CCDC146: variants seen among roughly 807,000 people sequenced by gnomAD.
CCDC146 encodes coiled-coil domain containing 146.
Under a neutral mutation model 119.3 loss-of-function variants are expected in CCDC146, and 92 were observed. That is an observed-to-expected ratio of 0.77 (90% CI 0.65 to 0.92). The LOEUF (loss-of-function observed/expected upper bound fraction) is 0.92, where lower values mean the gene tolerates loss of function less well. Among genes scored for constraint, CCDC146 ranks in the 40% least tolerant of loss-of-function variants. CCDC146 has a pLI of 0.00. For missense variants in CCDC146, 1,000 were observed against 1,103.0 expected (o/e 0.91, Z 1.32); for synonymous variants, 372 against 371.8 (o/e 1.00, Z -0.01).
chr7:77,193,997 G>T (rs550689778), intron 2 of CCDC146: 2 of 152,548 alleles, frequency 1.3e-5, no homozygotes, highest in East Asian at 3.9e-4. Flanking sequence ...ATTCCAAAAT[G>T]GAATTTCTGT....
intron 7 of CCDC146, chr7:77,259,326 G>C (rs1793243761): frequency 5.5e-6 from 2 of 366,664 alleles, no homozygotes; most frequent in East Asian, 5.3e-5. Context: ...TTATGGAGAA[G>C]TTCAATTGAC....
At chr7:77,173,443 A>C (rs1337233535) in intron 2 of CCDC146, among the ~76,000 whole-genome samples, 3 of 152,108 alleles carry the variant, frequency 2.0e-5, no homozygotes, top group Non-Finnish European at 4.4e-5. Flanking sequence ...AGCCTGGCCA[A>C]CATGGCGAAA....
At chr7:77,266,517 G>A (rs1052142794) in intron 9 of CCDC146, among the ~76,000 whole-genome samples, 1 of 152,114 alleles carries the variant, frequency 6.6e-6, no homozygotes. Context: ...GTGTGGTACC[G>A]AGAAGATACT....
Position 77,280,638 on chromosome 7 carries a change from A to G in CCDC146, c.1904A>G (p.Gln635Arg), listed in dbSNP as rs1294213022. The change falls in exon 14 of 19, where the codon CAG (glutamine) becomes CGG (arginine). Residue 635 changes from glutamine (Q) to arginine (R), a missense_variant. Coordinates refer to ENST00000285871, the MANE Select transcript of CCDC146 (RefSeq NM_020879.3). Reference sequence around the variant, plus strand: ...CGCAAAAGATACGAAAAAGCTGTTCAGCATCGAAATGAAAGGTAAAAACCA... The same window carrying G: ...CGCAAAAGATACGAAAAAGCTGTTCGGCATCGAAATGAAAGGTAAAAACCA... ...QLRKRYEKAV[Q>R]HRNESGVQLI... 3.1e-6 allele frequency: 5 copies of G among 1,611,476 alleles called. No individual in the cohort carries two copies. Among genetic ancestry groups the G allele is most frequent in the African/African-American group, 2.7e-5 (2 of 74,894 alleles).
chr7:77,245,018 C>T (rs775572504), intron 4 of CCDC146, among the ~76,000 whole-genome samples: 66 of 152,158 alleles, frequency 4.3e-4, no homozygotes, highest in Non-Finnish European at 6.3e-4. Flanking sequence ...CTACTAAGAA[C>T]AACTTATTTT....
intron 4 of CCDC146, chr7:77,242,245 C>A: frequency 2.5e-6 from 1 of 395,854 alleles, no homozygotes; most frequent in Non-Finnish European, 4.0e-6. Flanking sequence ...ATGACTATAG[C>A]AGTACCAGAG....
intron 2 of CCDC146, among the ~76,000 whole-genome samples, chr7:77,183,918 C>T (rs553551625): frequency 4.9e-4 from 74 of 152,252 alleles, no homozygotes; most frequent in African/African-American, 1.7e-3. Flanking sequence ...TAAAGTCTCT[C>T]GCTAAAATAA....
chr7:77,205,115 A>G (rs1303266924), intron 2 of CCDC146, among the ~76,000 whole-genome samples: 6 of 152,220 alleles, frequency 3.9e-5, no homozygotes, highest in Admixed American at 3.3e-4. Flanking sequence ...AACAAATAAT[A>G]AAATCAAAGT....
Position 77,282,656 on chromosome 7 carries a change from T to C in CCDC146, c.2019T>C (p.His673=). ...KMKLNGEIEI[H]LLEEKIQFLK... ...AACTAAATGGAGAAATTGAAATACA[T>C]CTACTGGAAGAAAAGATCCAATTCC... The change falls in exon 15 of 19, where the codon CAT becomes CAC. Residue 673 remains histidine, a synonymous_variant. Transcript: ENST00000285871. 6.2e-7 allele frequency: 1 copy of C among 1,612,402 alleles called. No homozygotes were observed. The highest frequency in any genetic ancestry group is 8.5e-7 in the Non-Finnish European group (1 of 1,178,418).
intron 1 of CCDC146, among the ~76,000 whole-genome samples, chr7:77,124,363 C>T (rs1790665206): frequency 6.6e-6 from 1 of 152,232 alleles, no homozygotes; most frequent in Non-Finnish European, 1.5e-5. Context: ...AATCTGTCCA[C>T]ATATCAACAA....
chr7:77,251,024 TGTTTG>T (rs1322792443), intron 4 of CCDC146, among the ~76,000 whole-genome samples: 1 of 124,234 alleles, frequency 8.0e-6, no homozygotes, highest in Admixed American at 7.8e-5. Context: ...TGTGTGTGTG[TGTTTG>T]GTTGTTTGTT....
At chr7:77,208,188 A>G (rs1752205330) in intron 2 of CCDC146, among the ~76,000 whole-genome samples, 1 of 152,232 alleles carries the variant, frequency 6.6e-6, no homozygotes, top group Admixed American at 6.5e-5. Context: ...TGATAACTCC[A>G]AAATGGACAC....
In CCDC146 at chr7:77,279,023, T is replaced by G. The variant is rs1276064839; in HGVS notation, c.1616T>G (p.Val539Gly). The change falls in exon 13 of 19, where the codon GTA becomes GGA. Residue 539 changes from valine to glycine, a missense_variant. This residue lies in a region of CCDC146 where 985 missense variants were observed against 1,045.3 expected (regional missense o/e 0.94). Transcript: ENST00000285871. ...VNLLHKAHQKVNEIKERHKMS... is the reference protein window; with the variant it reads ...VNLLHKAHQKGNEIKERHKMS... ...TTACTCCACAAAGCTCATCAGAAAGTAAATGAAATAAAAGAAAGGCATAAA... is the reference window on the plus strand; with the variant it reads ...TTACTCCACAAAGCTCATCAGAAAGGAAATGAAATAAAAGAAAGGCATAAA... 1.9e-6 allele frequency: 3 copies of G among 1,610,430 alleles called. No homozygotes were observed. Among genetic ancestry groups the G allele is most frequent in the African/African-American group, 2.7e-5 (2 of 74,908 alleles).
intron 4 of CCDC146, 113 bp downstream of exon 4, chr7:77,242,013 T>C: frequency 1.3e-6 from 1 of 747,154 alleles, no homozygotes; most frequent in Non-Finnish European, 2.2e-6. Context: ...ACGATGATGA[T>C]TGCAAACCTA....
In CCDC146 at chr7:77,236,987, C is replaced by T. The variant is rs752173458; in HGVS notation, c.197C>T (p.Ala66Val). 8.7e-6 allele frequency: 14 copies of T among 1,613,934 alleles called. No individual in the cohort carries two copies. Among genetic ancestry groups the T allele is most frequent in the East Asian group, 2.2e-5 (1 of 44,898 alleles). Residue 66 changes from alanine to valine, a missense_variant, in exon 3 of 19, where the codon GCG becomes GTG. Transcript: ENST00000285871. The stretch of plus-strand genomic sequence containing the variant: ...AAACTTCCTGGAACCAGAATGGCAG[C>T]GTTAAAAGCCAAGTATACCTTGCTG... The part of the protein sequence containing the change: ...MGKLPGTRMA[A>V]LKAKYTLLHD...
chr7:77,201,231 A>T (rs1021940769), intron 2 of CCDC146, among the ~76,000 whole-genome samples: 1 of 152,138 alleles, frequency 6.6e-6, no homozygotes, highest in Non-Finnish European at 1.5e-5. Flanking sequence ...CTCATACAGG[A>T]ATGATAGTCA....
chr7:77,280,537 G>C lies in CCDC146; in HGVS notation c.1803G>C (p.Lys601Asn), dbSNP rs377081074. 6.2e-7 allele frequency: 1 copy of C among 1,614,152 alleles called. No individual in the cohort carries two copies. The highest frequency in any genetic ancestry group is 1.3e-5 in the African/African-American group (1 of 75,046). Residue 601 changes from lysine (K) to asparagine (N), a missense_variant, in exon 14 of 19, where the codon AAG (lysine) becomes AAC (asparagine). Around this residue, in one of 2 missense-constraint regions of CCDC146, gnomAD observed 985 missense variants for 1,045.3 expected, o/e 0.94. Transcript: ENST00000285871. Reference sequence around the variant, plus strand: ...CAAAACTTCAGGAAATGAAAGAAAAGAAGGAAGCCCAGTTAAATAACATTG... The same window carrying C: ...CAAAACTTCAGGAAATGAAAGAAAACAAGGAAGCCCAGTTAAATAACATTG... ...IVSKLQEMKE[K>N]KEAQLNNIDR...
intron 8 of CCDC146, among the ~76,000 whole-genome samples, chr7:77,261,660 G>A (rs2150516404): frequency 6.6e-6 from 1 of 151,952 alleles, no homozygotes; most frequent in Non-Finnish European, 1.5e-5. Flanking sequence ...TGTATTTTTA[G>A]TAGAGACGGG....
chr7:77,146,464 G>T (rs1159661367), intron 1 of CCDC146, among the ~76,000 whole-genome samples: 2 of 152,098 alleles, frequency 1.3e-5, no homozygotes, highest in Admixed American at 1.3e-4. Flanking sequence ...GATGTTGGCT[G>T]GTTACTTTGC....
Sources: gnomAD v4.1 joint callset for allele counts (sites outside exome capture counted in the v4.1 genomes callset) on GRCh38, gnomAD v4.1.1 for gene constraint, gnomAD v4.1.1 regional missense constraint, MANE v1.5 for transcripts, NCBI Gene and HGNC (gene_info 2026-07-23, HGNC 2026-07-21) for gene names.